Variants in CADM2 observed in about 807,000 individuals in gnomAD.
The protein encoded by CADM2 is immunoglobulin superfamily member 4D.
In CADM2, 12 loss-of-function variants were observed where a neutral mutation model predicts 49.8. The ratio of observed to expected loss-of-function variants is 0.24; its 90% CI spans 0.15 to 0.39. CADM2 has a LOEUF of 0.39. Among genes scored for constraint, CADM2 ranks in the 10% least tolerant of loss-of-function variants. The pLI is 1.00. For synonymous variants in CADM2, 214 were observed against 175.4 expected (o/e 1.22, Z -1.74); for missense variants, 378 against 492.3 (o/e 0.77, Z 2.20).
At chr3:86,014,295 A>G in intron 8 of CADM2, 1 of 1,348,088 alleles carries the variant, frequency 7.4e-7, no homozygotes, top group Non-Finnish European at 1.0e-6. Flanking sequence ...TGTTGTTCTT[A>G]AAAATGTCCT....
intron 2 of CADM2, among the ~76,000 whole-genome samples, chr3:85,737,874 T>C (rs1178865606): frequency 6.6e-6 from 1 of 152,142 alleles, no homozygotes; most frequent in Non-Finnish European, 1.5e-5. Context: ...AACTCACTCT[T>C]TATGTGTTTT....
intron 1 of CADM2, among the ~76,000 whole-genome samples, chr3:85,219,695 A>G (rs1026857010): frequency 1.3e-5 from 2 of 152,114 alleles, no homozygotes; most frequent in African/African-American, 4.8e-5. Flanking sequence ...GATTTTTAAA[A>G]AAATATTCTT....
At chr3:85,861,803 T>G (rs1031298317) in intron 3 of CADM2, among the ~76,000 whole-genome samples, 3 of 152,008 alleles carry the variant, frequency 2.0e-5, no homozygotes, top group African/African-American at 7.2e-5. Flanking sequence ...GGATAGAATA[T>G]TTTGCATTTT....
intron 7 of CADM2, among the ~76,000 whole-genome samples, chr3:85,958,869 AG>A (rs1724420820): frequency 6.6e-6 from 1 of 151,900 alleles, no homozygotes; most frequent in Non-Finnish European, 1.5e-5. Context: ...GGACACAGGA[AG>A]GGGAACAACA....
chr3:85,632,936 C>G (rs1031171053), intron 1 of CADM2, among the ~76,000 whole-genome samples: 2 of 151,700 alleles, frequency 1.3e-5, no homozygotes, highest in African/African-American at 4.8e-5. Context: ...TATCTAAAAT[C>G]GAAAATAAAA....
At chr3:85,660,458 TCAAAA>T (rs2065366779) in intron 1 of CADM2, among the ~76,000 whole-genome samples, 1 of 151,088 alleles carries the variant, frequency 6.6e-6, no homozygotes, top group Admixed American at 6.6e-5. Flanking sequence ...TTTTTTTAGC[TCAAAA>T]TGAACAAATT....
chr3:85,745,611 A>G lies in CADM2; in HGVS notation c.88+19063A>G, dbSNP rs574079890. Among the ~76,000 whole-genome samples, 7 of 152,252 alleles carry G rather than the reference A, an allele frequency of 4.6e-5. No individual in the cohort carries two copies. The South Asian group carries it at 1.5e-3, about 32-fold the overall frequency. ...CTGGGTGTGGTGGCTCACGCCGGTA[A>G]TCCCAACACTTTGGGAGGTGAAGGT... On this transcript the variant is annotated intron_variant, in intron 2 of 9. Coordinates refer to ENST00000383699, the MANE Select transcript of CADM2 (RefSeq NM_001167675.2).
At chr3:85,074,381 T>G (rs1337653533) in intron 1 of CADM2, among the ~76,000 whole-genome samples, 1 of 152,116 alleles carries the variant, frequency 6.6e-6, no homozygotes, top group African/African-American at 2.4e-5. Flanking sequence ...ACCTCTACCT[T>G]TATCCTGTTC....
At chr3:85,948,371 C>A (rs1722997964) in intron 7 of CADM2, among the ~76,000 whole-genome samples, 1 of 151,316 alleles carries the variant, frequency 6.6e-6, no homozygotes, top group Non-Finnish European at 1.5e-5. Context: ...TAATATCCCT[C>A]TAGTAGTCAC....
chr3:85,961,887 A>G (rs1238042106), intron 8 of CADM2, among the ~76,000 whole-genome samples: 1 of 151,902 alleles, frequency 6.6e-6, no homozygotes, highest in Non-Finnish European at 1.5e-5. Flanking sequence ...AATTATAAAT[A>G]TACTTCTTAC....
At chr3:85,600,853 A>G (rs143138827) in intron 1 of CADM2, among the ~76,000 whole-genome samples, 1 of 151,458 alleles carries the variant, frequency 6.6e-6, no homozygotes, top group East Asian at 2.0e-4. Context: ...AACCAATTCA[A>G]TTTACTTGTA....
At chr3:85,096,259 A>G (rs1241448834) in intron 1 of CADM2, among the ~76,000 whole-genome samples, 6 of 152,126 alleles carry the variant, frequency 3.9e-5, no homozygotes, top group Non-Finnish European at 8.8e-5. Context: ...TGTTTTTGAA[A>G]AGGAATTTTA....
At chr3:85,085,918 G>A (rs1310815734) in intron 1 of CADM2, among the ~76,000 whole-genome samples, 1 of 151,952 alleles carries the variant, frequency 6.6e-6, no homozygotes, top group African/African-American at 2.4e-5. Flanking sequence ...TCATGGGTAG[G>A]GCATCAGGGT....
intron 1 of CADM2, among the ~76,000 whole-genome samples, chr3:85,123,170 T>G (rs2107595498): frequency 6.6e-6 from 1 of 152,274 alleles, no homozygotes; most frequent in African/African-American, 2.4e-5. Flanking sequence ...AAAATATAAA[T>G]AAAAAGTTTC....
At chr3:85,552,779 T>A (rs1350856571) in intron 1 of CADM2, among the ~76,000 whole-genome samples, 1 of 151,840 alleles carries the variant, frequency 6.6e-6, no homozygotes, top group African/African-American at 2.4e-5. Context: ...CGGGTTCAAG[T>A]GATTTTCCTT....
At chr3:85,570,959 T>G (rs1385779197) in intron 1 of CADM2, among the ~76,000 whole-genome samples, 1 of 152,186 alleles carries the variant, frequency 6.6e-6, no homozygotes, top group East Asian at 1.9e-4. Context: ...TTTTTTCATT[T>G]TATTATAAGA....
At chr3:85,225,076 C>T (rs1422646552) in intron 1 of CADM2, among the ~76,000 whole-genome samples, 2 of 152,096 alleles carry the variant, frequency 1.3e-5, no homozygotes, top group South Asian at 2.1e-4. Flanking sequence ...ATTGTCTTGG[C>T]TATGCTCGCT....
chr3:85,979,379 C>G, intron 8 of CADM2: 1 of 1,402,522 alleles, frequency 7.1e-7, no homozygotes, highest in Non-Finnish European at 9.6e-7. Flanking sequence ...TTCAATTTTA[C>G]TTAATTATGA....
chr3:85,049,102 A>T (rs1195014685), intron 1 of CADM2, among the ~76,000 whole-genome samples: 1 of 152,136 alleles, frequency 6.6e-6, no homozygotes, highest in African/African-American at 2.4e-5. Context: ...TGGTAGAGTG[A>T]TTCATTCCGA....
Sources: gnomAD v4.1 joint callset for allele counts (sites outside exome capture counted in the v4.1 genomes callset) on GRCh38, gnomAD v4.1.1 for gene constraint, MANE v1.5 for transcripts, NCBI Gene and HGNC (gene_info 2026-07-23, HGNC 2026-07-21) for gene names.